Variants in CDH18 observed in about 807,000 individuals in gnomAD.
The protein encoded by CDH18 is cadherin-18.
A neutral mutation model predicts 67.9 loss-of-function variants in CDH18; 31 were observed. The observed-to-expected ratio is 0.46, with a 90% CI of 0.34 to 0.62. CDH18 has a LOEUF of 0.62. Ranked by LOEUF, CDH18 falls within the 20% of genes least tolerant of loss-of-function variation. CDH18 has a pLI of 0.01. For synonymous variants in CDH18, 362 were observed against 347.2 expected, an observed-to-expected ratio of 1.04 and a Z score of -0.48; for missense variants, 890 against 975.5, an observed-to-expected ratio of 0.91 and a Z score of 1.17.
chr5:19,938,897 T>G (rs956150689), intron 2 of CDH18, among the ~76,000 whole-genome samples: 1 of 151,346 alleles, frequency 6.6e-6, no homozygotes, highest in Non-Finnish European at 1.5e-5. Context: ...AATAAGTTTA[T>G]AGACAAAGAA....
At chr5:19,560,283 C>A (rs1337179920) in intron 8 of CDH18, among the ~76,000 whole-genome samples, 1 of 151,992 alleles carries the variant, frequency 6.6e-6, no homozygotes, top group African/African-American at 2.4e-5. Flanking sequence ...GCCATAGTCA[C>A]CAAAACAGCA....
chr5:20,437,789 AAAT>A (rs1398307446), intron 1 of CDH18, among the ~76,000 whole-genome samples: 1 of 151,404 alleles, frequency 6.6e-6, no homozygotes, highest in Non-Finnish European at 1.5e-5. Context: ...AGAATGAAAC[AAAT>A]AATAGCCTTA....
intron 2 of CDH18, among the ~76,000 whole-genome samples, chr5:19,972,696 C>T (rs1798141399): frequency 2.0e-5 from 3 of 151,906 alleles, no homozygotes; most frequent in Admixed American, 2.0e-4. Flanking sequence ...AGTAGAACCA[C>T]TTTGGAATAT....
intron 1 of CDH18, among the ~76,000 whole-genome samples, chr5:20,460,537 C>T (rs1219585535): frequency 6.6e-6 from 1 of 152,090 alleles, no homozygotes. Context: ...TGGTTGTGCA[C>T]ACCATTCTAG....
intron 1 of CDH18, among the ~76,000 whole-genome samples, chr5:20,486,291 A>C (rs570387915): frequency 6.6e-6 from 1 of 152,328 alleles, no homozygotes; most frequent in Admixed American, 6.5e-5. Flanking sequence ...ATATTGCAAT[A>C]TGTAAAGATC....
intron 2 of CDH18, among the ~76,000 whole-genome samples, chr5:19,904,399 A>G: frequency 6.8e-6 from 1 of 146,306 alleles, no homozygotes; most frequent in Non-Finnish European, 1.5e-5. Flanking sequence ...GAGGGAAGAG[A>G]AGGGAAGGGA....
chr5:20,533,516 G>T (rs1419212976), intron 1 of CDH18, among the ~76,000 whole-genome samples: 1 of 152,014 alleles, frequency 6.6e-6, no homozygotes, highest in Non-Finnish European at 1.5e-5. Context: ...TAAATACATA[G>T]AACAAAACGT....
chr5:20,335,162 G>A (rs1335177960), intron 1 of CDH18, among the ~76,000 whole-genome samples: 1 of 151,916 alleles, frequency 6.6e-6, no homozygotes, highest in African/African-American at 2.4e-5. Flanking sequence ...CCCTCATTAT[G>A]CCTCCTGCTT....
chr5:20,089,226 T>A (rs1403546301), intron 2 of CDH18, among the ~76,000 whole-genome samples: 1 of 152,120 alleles, frequency 6.6e-6, no homozygotes, highest in Non-Finnish European at 1.5e-5. Context: ...ACAATAGATT[T>A]TTTTGTTTCA....
intron 2 of CDH18, among the ~76,000 whole-genome samples, chr5:20,081,371 A>C (rs1290927650): frequency 6.6e-6 from 1 of 152,188 alleles, no homozygotes; most frequent in Non-Finnish European, 1.5e-5. Flanking sequence ...CTAGGAGACT[A>C]AACTAGTTCA....
At chr5:20,196,561 C>T (rs1362981271) in intron 2 of CDH18, among the ~76,000 whole-genome samples, 1 of 152,144 alleles carries the variant, frequency 6.6e-6, no homozygotes, top group Non-Finnish European at 1.5e-5. Context: ...AAAATAACTT[C>T]AACTTAAGTC....
intron 1 of CDH18, among the ~76,000 whole-genome samples, chr5:20,559,041 C>A (rs78761679): frequency 6.7e-6 from 1 of 150,318 alleles, no homozygotes; most frequent in East Asian, 1.9e-4. Context: ...CATTGCTTAC[C>A]GGCAGACTAG....
At chr5:19,623,026 G>A (rs1390956670) in intron 5 of CDH18, among the ~76,000 whole-genome samples, 1 of 152,142 alleles carries the variant, frequency 6.6e-6, no homozygotes, top group Non-Finnish European at 1.5e-5. Context: ...TATATATTGT[G>A]TACCTACCAT....
chr5:19,590,944 A>T (rs534623581), intron 7 of CDH18, 113 bp downstream of exon 7: 1 of 573,268 alleles, frequency 1.7e-6, no homozygotes, highest in African/African-American at 1.9e-5. Flanking sequence ...CAAAGTGACA[A>T]TATTTTATCA....
At chr5:19,488,344 T>C (rs1470016292) in intron 11 of CDH18, among the ~76,000 whole-genome samples, 2 of 152,220 alleles carry the variant, frequency 1.3e-5, no homozygotes. Context: ...TTTCTGATAA[T>C]GCAGGCAAAG....
chr5:20,386,748 G>T (rs186793770), intron 1 of CDH18, among the ~76,000 whole-genome samples: 250 of 152,084 alleles, frequency 1.6e-3, no homozygotes, highest in African/African-American at 5.5e-3. Flanking sequence ...ACTCATATGA[G>T]TCTTCTTTTC....
chr5:20,509,701 G>A (rs956365538), intron 1 of CDH18, among the ~76,000 whole-genome samples: 13 of 62,214 alleles, frequency 2.1e-4, no homozygotes, highest in East Asian at 1.0e-3. Context: ...TTACAGGCAT[G>A]AGCCATCATG....
chr5:19,476,024 T>C (rs1738403844), intron 12 of CDH18, among the ~76,000 whole-genome samples: 1 of 151,930 alleles, frequency 6.6e-6, no homozygotes, highest in Non-Finnish European at 1.5e-5. Context: ...AGAGAAAACT[T>C]GTGGAAGAGG....
intron 2 of CDH18, among the ~76,000 whole-genome samples, chr5:19,909,493 T>C (rs1790897320): frequency 1.3e-5 from 2 of 151,922 alleles, no homozygotes; most frequent in Non-Finnish European, 2.9e-5. Flanking sequence ...GAGATGGGGT[T>C]TCACCATGTT....
Sources: allele counts gnomAD v4.1 joint callset (sites outside exome capture counted in the v4.1 genomes callset), GRCh38; gene constraint gnomAD v4.1.1; transcripts MANE v1.5; gene names NCBI Gene and HGNC (gene_info 2026-07-23, HGNC 2026-07-21).